The following PPP2R3B variants were observed in gnomAD, a reference collection of about 807,000 sequenced individuals.
PPP2R3B encodes serine/threonine-protein phosphatase 2A regulatory subunit B'' subunit beta.
PPP2R3B carries 68 observed loss-of-function variants against 72.9 expected under a neutral mutation model. The observed-to-expected ratio is 0.93, with a 90% confidence interval of 0.77 to 1.14. The LOEUF is 1.14. Among genes scored for constraint, PPP2R3B ranks in the 50% most tolerant of loss-of-function variants. The pLI, the probability that PPP2R3B is intolerant of heterozygous loss-of-function variation, is 0.00. For synonymous variants in PPP2R3B, 466 were observed against 375.8 expected, an observed-to-expected ratio of 1.24 and a Z score of -2.78; for missense variants, 1,018 against 842.0, an observed-to-expected ratio of 1.21 and a Z score of -2.59.
intron 2 of PPP2R3B, among the ~76,000 whole-genome samples, chrX:353,059 G>T (rs1159812519): frequency 1.3e-5 from 2 of 151,896 alleles, no homozygotes; most frequent in African/African-American, 4.8e-5. Context: ...CTGAGTTCTT[G>T]TGAGATCCGA....
chrX:344,210 G>A lies in PPP2R3B; in HGVS notation c.1036+1306C>T, dbSNP rs1275886006. 3.1e-5 allele frequency among the ~76,000 whole-genome samples: 3 copies of A among 97,022 alleles called. 1 individual carries two copies. The highest frequency in any genetic ancestry group is 2.9e-4 in the Admixed American group (3 of 10,272). The allele number at this position is 97,022 out of a possible 152,430, so 63.7% of individuals were successfully genotyped here. Reference sequence around the variant, plus strand: ...CGGGAGTGAGACCTCAGCAACGGGAGGCGGGATTGAGACCTCACCAACGGG... The same window carrying A: ...CGGGAGTGAGACCTCAGCAACGGGAAGCGGGATTGAGACCTCACCAACGGG... On this transcript the variant is annotated intron_variant, in intron 7 of 12. Transcript: ENST00000390665.
chrX:376,383 G>A (rs767774265), intron 1 of PPP2R3B, among the ~76,000 whole-genome samples: 1 of 152,192 alleles, frequency 6.6e-6, no homozygotes, highest in Non-Finnish European at 1.5e-5. Flanking sequence ...TGCAGCCACA[G>A]GGCTGTCTAC....
intron 12 of PPP2R3B, 71 bp from the exon 13 acceptor site, chrX:334,588 C>G (rs2070837866): frequency 1.5e-6 from 2 of 1,371,850 alleles, no homozygotes; most frequent in South Asian, 1.7e-5. Flanking sequence ...CCGGGAAACA[C>G]AGGCTGCTCG....
At chrX:380,601 CAT>C (rs2072101436) in intron 1 of PPP2R3B, among the ~76,000 whole-genome samples, 1 of 151,950 alleles carries the variant, frequency 6.6e-6, no homozygotes, top group Non-Finnish European at 1.5e-5. Flanking sequence ...GCCTGACCAA[CAT>C]AGTGAAACCC....
At chrX:353,492 C>G (rs1296204652) in intron 2 of PPP2R3B, among the ~76,000 whole-genome samples, 1 of 152,162 alleles carries the variant, frequency 6.6e-6, no homozygotes, top group African/African-American at 2.4e-5. Context: ...ATGAGTTCTA[C>G]CAAACATTCA....
intron 5 of PPP2R3B, 44 bp downstream of exon 5, chrX:346,657 C>T (rs775057579): frequency 3.2e-6 from 5 of 1,560,094 alleles, no homozygotes; most frequent in South Asian, 1.1e-5. Context: ...CAGAAACACC[C>T]GCGCCCCGCG....
At chrX:382,946 C>A (rs1307542527) in intron 1 of PPP2R3B, among the ~76,000 whole-genome samples, 1 of 152,052 alleles carries the variant, frequency 6.6e-6, no homozygotes, top group East Asian at 1.9e-4. Flanking sequence ...CTTCTTGAGT[C>A]CTGGCCCTCC....
intron 7 of PPP2R3B, chrX:345,287 C>T (rs759029283): frequency 2.8e-6 from 2 of 711,988 alleles, no homozygotes; most frequent in South Asian, 1.5e-5. Context: ...ACCCTGTAGA[C>T]GCCCCCAGGC....
chrX:336,449 G>A (rs1255236555), intron 12 of PPP2R3B: 2 of 152,022 alleles, frequency 1.3e-5, no homozygotes, highest in Non-Finnish European at 2.9e-5. Context: ...CCAGGACTGG[G>A]AACGAGGACG....
intron 10 of PPP2R3B, among the ~76,000 whole-genome samples, chrX:339,302 G>A (rs372662029): frequency 2.2e-4 from 33 of 146,722 alleles, no homozygotes; most frequent in African/African-American, 5.1e-4. Context: ...GGCGGTGCCC[G>A]GGCCTCAGAG....
intron 1 of PPP2R3B, among the ~76,000 whole-genome samples, chrX:372,372 C>T (rs1286158768): frequency 2.0e-5 from 3 of 152,148 alleles, no homozygotes; most frequent in Non-Finnish European, 4.4e-5. Flanking sequence ...AAGCAGGATG[C>T]CTTGGTTCAC....
chrX:351,954 C>A (rs1569393576), intron 2 of PPP2R3B, among the ~76,000 whole-genome samples: 1 of 152,190 alleles, frequency 6.6e-6, no homozygotes, highest in Non-Finnish European at 1.5e-5. Context: ...CTTGGCCTCT[C>A]AAAGTGCTGG....
intron 6 of PPP2R3B, 40 bp from the exon 7 acceptor site, chrX:345,712 C>T (rs774396816): frequency 8.9e-6 from 12 of 1,344,080 alleles, no homozygotes; most frequent in East Asian, 9.7e-5. Context: ...GGGGCCTCTG[C>T]GGGGATGCCC....
At chrX:362,072 A>G (rs1257421875) in intron 1 of PPP2R3B, among the ~76,000 whole-genome samples, 1 of 152,098 alleles carries the variant, frequency 6.6e-6, no homozygotes, top group Non-Finnish European at 1.5e-5. Context: ...GAAGACTCAC[A>G]TTCTGAGAGG....
Position 346,903 on chromosome X carries a change from C to T in PPP2R3B, c.718-128G>A, listed in dbSNP as rs747015099. 1.1e-4 allele frequency: 103 copies of T among 897,388 alleles called. No homozygotes were observed. In the African/African-American group the frequency reaches 1.7e-3, roughly 15 times the overall value. 55.6% of individuals were successfully genotyped at this position (897,388 alleles called of 1,614,324 possible). ...TGTGCGGTGTAGACGCCGGCCCTCC[C>T]GTGAGGGATGAGGCGTATGGTGTAG... On this transcript the variant is annotated intron_variant, in intron 4 of 12. Transcript: ENST00000390665.
intron 2 of PPP2R3B, among the ~76,000 whole-genome samples, chrX:358,901 A>C (rs1352181087): frequency 8.6e-6 from 1 of 115,910 alleles, no homozygotes; most frequent in Non-Finnish European, 1.7e-5. Context: ...GCGGGGAAGC[A>C]CCGTGGGGAC....
At chrX:369,179 A>G (rs772281519) in intron 1 of PPP2R3B, among the ~76,000 whole-genome samples, 1 of 152,316 alleles carries the variant, frequency 6.6e-6, no homozygotes, top group African/African-American at 2.4e-5. Flanking sequence ...ATCTACGGTA[A>G]ACACAGAAGG....
chrX:370,406 C>T (rs2071833035), intron 1 of PPP2R3B, among the ~76,000 whole-genome samples: 1 of 152,170 alleles, frequency 6.6e-6, no homozygotes, highest in South Asian at 2.1e-4. Flanking sequence ...GCGCCTGCAG[C>T]CACGGCTGCA....
At chrX:346,070 G>A (rs1481994231) in intron 6 of PPP2R3B, 104 bp downstream of exon 6, 30 of 544,494 alleles carry the variant, frequency 5.5e-5, no homozygotes, top group South Asian at 4.4e-4. Context: ...GGTGGGAGAG[G>A]GGGTGGGAGG....
Sources: gnomAD v4.1 joint callset for allele counts (sites outside exome capture counted in the v4.1 genomes callset) on GRCh38, gnomAD v4.1.1 for gene constraint, MANE v1.5 for transcripts, NCBI Gene and HGNC (gene_info 2026-07-23, HGNC 2026-07-21) for gene names.